Variants in TRMT6 observed in about 807,000 individuals in gnomAD.
TRMT6 encodes tRNA (adenine(58)-N(1))-methyltransferase non-catalytic subunit TRM6.
TRMT6 carries 34 observed loss-of-function variants against 59.0 expected under a neutral mutation model. That is an observed-to-expected ratio of 0.58 (90% confidence interval 0.44 to 0.77). The LOEUF (loss-of-function observed/expected upper bound fraction) is 0.77, where lower values mean the gene tolerates loss of function less well. Ranked by LOEUF, TRMT6 falls within the 30% of genes least tolerant of loss-of-function variation. TRMT6 has a pLI of 0.00. For synonymous variants in TRMT6, 217 were observed against 210.5 expected (o/e 1.03, Z -0.27); for missense variants, 575 against 604.5 (o/e 0.95, Z 0.51).
At chr20:5,941,469 A>T (rs568596412) in intron 8 of TRMT6, 124 bp from the exon 9 acceptor site, 56 of 720,918 alleles carry the variant, frequency 7.8e-5, no homozygotes, top group South Asian at 6.0e-4. Flanking sequence ...AGATTTAAAT[A>T]TAACATTCTA....
intron 5 of TRMT6, 59 bp from the exon 6 acceptor site, chr20:5,943,742 A>G: frequency 6.4e-7 from 1 of 1,569,950 alleles, no homozygotes; most frequent in African/African-American, 1.4e-5. Flanking sequence ...TATTTTAATC[A>G]TCATTTTTCA....
At chr20:5,941,797 C>G in intron 8 of TRMT6, 154 bp downstream of exon 8, 1 of 672,564 alleles carries the variant, frequency 1.5e-6, no homozygotes, top group South Asian at 2.0e-5. Context: ...CCCCTGCCAG[C>G]CTCAGCCTCC....
intron 1 of TRMT6, among the ~76,000 whole-genome samples, 163 bp from the exon 2 acceptor site, chr20:5,946,696 T>C (rs543404822): frequency 2.0e-5 from 3 of 152,270 alleles, no homozygotes; most frequent in Admixed American, 6.5e-5. Context: ...CTGGTTGGGA[T>C]AGAGACGTAA....
rs2088783525 is a variant in TRMT6, at chr20:5,950,495, A to C, written c.-90T>G. ...AGCCTCACTTCCCACAACCTGGCGC[A>C]CTAGGAGCCCTCCGACCGGCACCGC... On this transcript the variant is annotated 5_prime_UTR_variant, in exon 1 of 11. Coordinates refer to ENST00000203001, the MANE Select transcript of TRMT6 (RefSeq NM_015939.5). The C allele has an allele frequency of 7.1e-7, 1 of 1,417,376 alleles. No homozygotes were observed. The highest frequency in any genetic ancestry group is 2.5e-5 in the Admixed American group (1 of 40,644). The allele number at this position is 1,417,376 out of a possible 1,614,324, so 87.8% of individuals were successfully genotyped here.
chr20:5,942,007 C>CTCT lies in TRMT6; in HGVS notation c.1053_1055dup (p.Glu352dup). The CTCT allele has an allele frequency of 6.2e-7, 1 of 1,613,178 alleles. No individual in the cohort carries two copies. Among genetic ancestry groups the CTCT allele is most frequent in the Non-Finnish European group, 8.5e-7 (1 of 1,180,018 alleles). ...CAGCCTCTAAATGTCTTTTCCTCTG[C>CTCT]TCTTCTTGTCTCCTCTGTTTTTCCT... On this transcript the variant is annotated inframe_insertion, in exon 8 of 11. Coordinates refer to ENST00000203001, the MANE Select transcript of TRMT6 (RefSeq NM_015939.5).
At position 5,938,570 on chromosome 20, in the gene TRMT6, C is replaced by T; in HGVS notation, c.1459G>A (p.Ala487Thr). 1 of 1,614,098 alleles carries T rather than the reference C, an allele frequency of 6.2e-7. No homozygotes were observed. ...GACTCTGGGCATTTTCGTTTTTTAGCTGCAGGCTCCTCAGTCTCGTGTGAT... is the reference window on the plus strand; with the variant it reads ...GACTCTGGGCATTTTCGTTTTTTAGTTGCAGGCTCCTCAGTCTCGTGTGAT... ...LESHETEEPA[A>T]KKRKCPESDS Residue 487 changes from alanine to threonine, a missense_variant, in exon 11 of 11, where the codon GCT becomes ACT. Coordinates refer to ENST00000203001, the MANE Select transcript of TRMT6 (RefSeq NM_015939.5).
intron 8 of TRMT6, chr20:5,941,645 T>C (rs2088657062): frequency 1.8e-6 from 1 of 547,736 alleles, no homozygotes; most frequent in South Asian, 2.4e-5. Context: ...AGCTGCTTTG[T>C]GGATATCTGT....
intron 1 of TRMT6, among the ~76,000 whole-genome samples, chr20:5,948,625 G>C (rs1568560882): frequency 1.3e-5 from 2 of 151,888 alleles, no homozygotes; most frequent in Admixed American, 1.3e-4. Flanking sequence ...GGAATTACTT[G>C]AGCCCAGGAA....
Position 5,942,444 on chromosome 20 carries a change from C to T in TRMT6, c.1010G>A (p.Gly337Glu), listed in dbSNP as rs1471191714. ...CATCCTTACATAATCTTTTTTGCTT[C>T]CTCTCTCTTTAGGCCCCTTATGTTC... Reference protein sequence around the residue: ...DPEHKGPKERGSKKDYIQEKQ... With the variant: ...DPEHKGPKERESKKDYIQEKQ... The change falls in exon 7 of 11, where the codon GGA (glycine) becomes GAA (glutamate). Residue 337 changes from glycine (G) to glutamate (E), a missense_variant. Gly to Glu is a moderately conservative substitution (Grantham distance 98). Coordinates refer to ENST00000203001, the MANE Select transcript of TRMT6 (RefSeq NM_015939.5). 1.2e-6 allele frequency: 2 copies of T among 1,613,080 alleles called. No individual in the cohort carries two copies. The highest frequency in any genetic ancestry group is 8.5e-7 in the Non-Finnish European group (1 of 1,179,320).
Position 5,942,007 on chromosome 20 carries a change from CTCTTCT to C in TRMT6, c.1050_1055del (p.Glu351_Glu352del). ...CAGCCTCTAAATGTCTTTTCCTCTG[CTCTTCT>C]TGTCTCCTCTGTTTTTCCTGAATCT... On this transcript the variant is annotated inframe_deletion, in exon 8 of 11. Transcript: ENST00000203001. 6.2e-7 allele frequency: 1 copy of C among 1,613,178 alleles called. No homozygotes were observed. The highest frequency in any genetic ancestry group is 8.5e-7 in the Non-Finnish European group (1 of 1,180,018).
At chr20:5,946,161 A>C (rs1431583803) in intron 2 of TRMT6, among the ~76,000 whole-genome samples, 1 of 152,202 alleles carries the variant, frequency 6.6e-6, no homozygotes. Flanking sequence ...CGCAGCAACG[A>C]CTCATAGGAT....
At chr20:5,948,573 T>G (rs1241746833) in intron 1 of TRMT6, among the ~76,000 whole-genome samples, 1 of 152,072 alleles carries the variant, frequency 6.6e-6, no homozygotes, top group African/African-American at 2.4e-5. Flanking sequence ...TCAACTACTG[T>G]TCATGCCTGT....
chr20:5,950,044 A>AG (rs1269226710), intron 1 of TRMT6, among the ~76,000 whole-genome samples: 2 of 152,062 alleles, frequency 1.3e-5, no homozygotes, highest in Non-Finnish European at 2.9e-5. Flanking sequence ...GAAATCATGG[A>AG]GGGGGCTCCG....
chr20:5,938,528 A>G lies in TRMT6; in HGVS notation c.*7T>C, dbSNP rs768849375. 18 of 1,605,958 alleles carry G rather than the reference A, an allele frequency of 1.1e-5. No individual in the cohort carries two copies. The East Asian group carries it at 3.8e-4, about 34-fold the overall frequency. ...GAGAACAAAATTCAGAGCAATTCTC[A>G]AAAGGGTTAAGAGTCAGACTCTGGG... On this transcript the variant is annotated 3_prime_UTR_variant, in exon 11 of 11. Transcript: ENST00000203001.
intron 8 of TRMT6, 92 bp downstream of exon 8, chr20:5,941,859 G>T: frequency 8.7e-7 from 1 of 1,155,346 alleles, no homozygotes. Flanking sequence ...TCCCACTAGA[G>T]TCAAAGCAGA....
At chr20:5,945,126 G>A (rs1185121071) in intron 2 of TRMT6, among the ~76,000 whole-genome samples, 1 of 152,078 alleles carries the variant, frequency 6.6e-6, no homozygotes. Context: ...TATCCACCTG[G>A]ATGCCAGAGT....
At position 5,943,516 on chromosome 20, in the gene TRMT6, A is replaced by G. The variant is rs763054253; in HGVS notation, c.667+43T>C. 11 of 1,611,426 alleles carry G rather than the reference A, an allele frequency of 6.8e-6. No homozygotes were observed. The Admixed American group carries it at 1.2e-4, about 17-fold the overall frequency. On this transcript the variant is annotated intron_variant, in intron 6 of 10. Coordinates refer to ENST00000203001, the MANE Select transcript of TRMT6 (RefSeq NM_015939.5). ...ACATTTTTGGACCACCTTTACTCAC[A>G]TCAGGGTGGGGTTTTGTTGAAAATG...
Position 5,942,649 on chromosome 20 carries a change from T to A in TRMT6, c.805A>T (p.Thr269Ser). Residue 269 changes from threonine to serine, a missense_variant, in exon 7 of 11, where the codon ACA (threonine) becomes TCA (serine). Thr to Ser is a moderately conservative substitution (Grantham distance 58). Transcript: ENST00000203001. ...GAAGATAACATCTTGGCAGAAAATG[T>A]TCCATGTAGAAGACTGTCCACTTTG... ...LNKVDSLLHG[T>S]FSAKMLSSEP... 3.7e-6 allele frequency: 6 copies of A among 1,614,110 alleles called. No homozygotes were observed. Among genetic ancestry groups the A allele is most frequent in the Non-Finnish European group, 4.2e-6 (5 of 1,180,002 alleles).
chr20:5,943,850 T>G, intron 5 of TRMT6, 98 bp downstream of exon 5: 1 of 1,529,308 alleles, frequency 6.5e-7, no homozygotes, highest in South Asian at 1.3e-5. Context: ...GGAGGATACT[T>G]TATGCAGGTG....
Sources: gnomAD v4.1 joint callset for allele counts (sites outside exome capture counted in the v4.1 genomes callset) on GRCh38, gnomAD v4.1.1 for gene constraint, MANE v1.5 for transcripts, NCBI Gene and HGNC (gene_info 2026-07-23, HGNC 2026-07-21) for gene names.